MPP7: variants seen among roughly 807,000 people sequenced by gnomAD.
MPP7 encodes the protein MAGUK p55 subfamily member 7.
MPP7 carries 60 observed loss-of-function variants against 76.5 expected under a neutral mutation model. That is an observed-to-expected ratio of 0.78 (90% CI 0.64 to 0.97). The LOEUF (loss-of-function observed/expected upper bound fraction) is 0.97. Ranked by LOEUF, MPP7 falls within the 50% of genes least tolerant of loss-of-function variation. MPP7 has a pLI of 0.00. For missense variants in MPP7, 641 were observed against 694.0 expected (o/e 0.92, Z 0.86); for synonymous variants, 237 against 244.5 (o/e 0.97, Z 0.29).
chr10:28,131,869 G>C (rs1364724982), intron 5 of MPP7, among the ~76,000 whole-genome samples, 178 bp from the exon 6 acceptor site: 1 of 152,074 alleles, frequency 6.6e-6, no homozygotes, highest in African/African-American at 2.4e-5. Flanking sequence ...AAATGGAATG[G>C]GAAACAGTGC....
At chr10:28,115,545 G>A (rs1204969897) in intron 11 of MPP7, among the ~76,000 whole-genome samples, 7 of 152,174 alleles carry the variant, frequency 4.6e-5, no homozygotes, top group Admixed American at 1.3e-4. Flanking sequence ...TTAACTTTAT[G>A]TATGAAAACA....
At chr10:28,270,641 A>G (rs776528727) in intron 1 of MPP7, among the ~76,000 whole-genome samples, 3 of 152,016 alleles carry the variant, frequency 2.0e-5, no homozygotes, top group Non-Finnish European at 4.4e-5. Flanking sequence ...CCTGTTCAAC[A>G]TCAACGCCCT....
chr10:28,187,002 A>T (rs1837259510), intron 3 of MPP7, among the ~76,000 whole-genome samples: 1 of 152,210 alleles, frequency 6.6e-6, no homozygotes, highest in Non-Finnish European at 1.5e-5. Flanking sequence ...AACTGTTCTT[A>T]AGTCAGAGAT....
intron 3 of MPP7, among the ~76,000 whole-genome samples, chr10:28,153,740 A>G (rs1835957745): frequency 1.3e-5 from 2 of 152,058 alleles, no homozygotes; most frequent in South Asian, 4.1e-4. Flanking sequence ...TGAATAAAGT[A>G]CCCCCCAATG....
chr10:28,073,230 C>T (rs1852320342), intron 12 of MPP7, among the ~76,000 whole-genome samples: 1 of 152,156 alleles, frequency 6.6e-6, no homozygotes. Context: ...GCCAATTTCA[C>T]CTCCTAAACA....
intron 1 of MPP7, among the ~76,000 whole-genome samples, chr10:28,280,351 T>C (rs1840632532): frequency 6.6e-6 from 1 of 152,046 alleles, no homozygotes; most frequent in Non-Finnish European, 1.5e-5. Context: ...ACACTTTAAA[T>C]CATCTCTAGA....
At chr10:28,333,468 C>T (rs1049007524) in intron 1 of MPP7, among the ~76,000 whole-genome samples, 3 of 152,168 alleles carry the variant, frequency 2.0e-5, no homozygotes, top group Non-Finnish European at 4.4e-5. Flanking sequence ...TTGAGTTCTG[C>T]AATTATACTA....
chr10:28,104,539 T>C (rs190008975), intron 11 of MPP7, among the ~76,000 whole-genome samples: 4 of 152,220 alleles, frequency 2.6e-5, no homozygotes, highest in African/African-American at 9.6e-5. Context: ...TTCCACAAGA[T>C]AATTTTCTCA....
intron 2 of MPP7, among the ~76,000 whole-genome samples, chr10:28,323,844 T>C (rs1234630939): frequency 5.3e-5 from 8 of 152,252 alleles, no homozygotes; most frequent in Non-Finnish European, 1.2e-4. Flanking sequence ...CGCCACCTCT[T>C]CAAGTCATGG....
At chr10:28,095,525 T>C (rs1175911022) in intron 11 of MPP7, among the ~76,000 whole-genome samples, 1 of 152,148 alleles carries the variant, frequency 6.6e-6, no homozygotes, top group East Asian at 1.9e-4. Context: ...GAGCGATGTG[T>C]CAGTACACCT....
chr10:28,159,711 T>G (rs1447313356), intron 3 of MPP7, among the ~76,000 whole-genome samples: 2 of 152,160 alleles, frequency 1.3e-5, no homozygotes, highest in African/African-American at 4.8e-5. Flanking sequence ...AGCTGATACT[T>G]TCTTAGAGGT....
chr10:28,178,087 T>C (rs79642679), intron 3 of MPP7, among the ~76,000 whole-genome samples: 4,717 of 152,220 alleles, frequency 0.031, 94 homozygotes, highest in South Asian at 0.06. Context: ...AGTTTTTAAG[T>C]TCTGGCACTA....
intron 2 of MPP7, among the ~76,000 whole-genome samples, chr10:28,204,877 T>C (rs1307699196): frequency 2.6e-5 from 4 of 152,208 alleles, no homozygotes; most frequent in African/African-American, 9.6e-5. Flanking sequence ...TACAATACCA[T>C]ACTCAGAAAT....
At chr10:28,176,381 A>G (rs1836861634) in intron 3 of MPP7, among the ~76,000 whole-genome samples, 1 of 152,146 alleles carries the variant, frequency 6.6e-6, no homozygotes, top group Non-Finnish European at 1.5e-5. Context: ...AAAACACAGG[A>G]GTCAACTTGA....
At chr10:28,299,124 T>C (rs1288746166) in intron 1 of MPP7, among the ~76,000 whole-genome samples, 1 of 152,208 alleles carries the variant, frequency 6.6e-6, no homozygotes. Context: ...TTTAGTTTCT[T>C]TCAAGAACCT....
At chr10:28,133,083 G>T (rs1835246308) in intron 5 of MPP7, among the ~76,000 whole-genome samples, 1 of 152,144 alleles carries the variant, frequency 6.6e-6, no homozygotes, top group South Asian at 2.1e-4. Flanking sequence ...TTAGCAGGTG[G>T]AACACACACT....
chr10:28,304,625 G>T (rs910187693), upstream of MPP7, among the ~76,000 whole-genome samples: 17 of 152,082 alleles, frequency 1.1e-4, no homozygotes, highest in African/African-American at 3.9e-4. Context: ...CTAAAAATAC[G>T]TGTCCTAAAG....
intron 2 of MPP7, among the ~76,000 whole-genome samples, chr10:28,315,204 G>A (rs182237837): frequency 3.4e-4 from 49 of 142,338 alleles, no homozygotes; most frequent in Non-Finnish European, 3.7e-4. Flanking sequence ...AGGAAGGAAG[G>A]AAGGATGGAA....
intron 3 of MPP7, among the ~76,000 whole-genome samples, chr10:28,161,792 T>C (rs1836273039): frequency 6.6e-6 from 1 of 152,226 alleles, no homozygotes; most frequent in South Asian, 2.1e-4. Context: ...CTAATTCAAA[T>C]AGATTCTAAG....
Sources: allele counts gnomAD v4.1 joint callset (sites outside exome capture counted in the v4.1 genomes callset), GRCh38; gene constraint gnomAD v4.1.1; transcripts MANE v1.5; gene names NCBI Gene and HGNC (gene_info 2026-07-23, HGNC 2026-07-21).